The following DACH1 variants were observed in gnomAD, a reference collection of about 807,000 sequenced individuals.
DACH1 encodes the protein dachshund family transcription factor 1.
Under a neutral mutation model 54.2 loss-of-function variants are expected in DACH1, and 12 were observed. The ratio of observed to expected loss-of-function variants is 0.22; its 90% CI spans 0.14 to 0.36. DACH1 has a LOEUF of 0.36. Ranked by LOEUF, DACH1 falls within the 10% of genes least tolerant of loss-of-function variation. The pLI is 1.00. For missense variants in DACH1, 805 were observed against 929.8 expected, an observed-to-expected ratio of 0.87 and a Z score of 1.75; for synonymous variants, 386 against 366.2, an observed-to-expected ratio of 1.05 and a Z score of -0.62.
At chr13:71,701,508 A>G (rs1882135087) in intron 1 of DACH1, among the ~76,000 whole-genome samples, 1 of 152,160 alleles carries the variant, frequency 6.6e-6, no homozygotes, top group Non-Finnish European at 1.5e-5. Context: ...AGTGAAAATC[A>G]TCTAAACATC....
At chr13:71,748,952 C>CTT (rs1566477177) in intron 1 of DACH1, among the ~76,000 whole-genome samples, 4 of 28,228 alleles carry the variant, frequency 1.4e-4, no homozygotes, top group East Asian at 4.0e-4. Flanking sequence ...TTCTTTCTTT[C>CTT]TCTCTTTCTT....
intron 10 of DACH1, among the ~76,000 whole-genome samples, chr13:71,449,187 G>A (rs542859200): frequency 3.3e-5 from 5 of 152,128 alleles, no homozygotes; most frequent in South Asian, 4.2e-4. Flanking sequence ...TTAGCGGGGC[G>A]TGGTGGCACA....
chr13:71,675,167 G>C, intron 2 of DACH1: 2 of 1,582,916 alleles, frequency 1.3e-6, no homozygotes, highest in South Asian at 1.1e-5. Context: ...TCTACTGGAG[G>C]GGTGAAGAAA....
At chr13:71,472,413 G>A (rs1877161819) in intron 10 of DACH1, among the ~76,000 whole-genome samples, 1 of 152,204 alleles carries the variant, frequency 6.6e-6, no homozygotes, top group Non-Finnish European at 1.5e-5. Context: ...GCATATTTAG[G>A]GGTAATTACT....
intron 2 of DACH1, among the ~76,000 whole-genome samples, chr13:71,656,420 G>A (rs758802073): frequency 2.0e-5 from 3 of 151,898 alleles, no homozygotes; most frequent in Non-Finnish European, 4.4e-5. Flanking sequence ...ACTTCTATTT[G>A]TCAGTATATA....
chr13:71,735,094 C>CACGTATATGGGTTATACAT (rs1883960314), intron 1 of DACH1, among the ~76,000 whole-genome samples: 1 of 28,204 alleles, frequency 3.5e-5, no homozygotes, highest in Non-Finnish European at 2.6e-4. Context: ...ATGGGTTATA[C>CACGTATATGGGTTATACAT]ATATATGGGA....
intron 1 of DACH1, among the ~76,000 whole-genome samples, chr13:71,811,455 G>T (rs1255290528): frequency 6.6e-6 from 1 of 151,952 alleles, no homozygotes; most frequent in Non-Finnish European, 1.5e-5. Flanking sequence ...TTTCCATCAC[G>T]ATTTATGAAC....
intron 1 of DACH1, among the ~76,000 whole-genome samples, chr13:71,864,656 T>G (rs1022223021): frequency 1.2e-4 from 19 of 152,268 alleles, no homozygotes; most frequent in African/African-American, 4.6e-4. Context: ...GCCTCTGCGC[T>G]TCCTTGCAGA....
chr13:71,527,373 T>C (rs1882056263), intron 6 of DACH1, among the ~76,000 whole-genome samples: 1 of 152,202 alleles, frequency 6.6e-6, no homozygotes, highest in South Asian at 2.1e-4. Context: ...TTGCCAAATG[T>C]AAGTCATTTC....
At position 71,866,603 on chromosome 13, in the gene DACH1, C is replaced by A. The variant is rs575793323; in HGVS notation, c.167G>T (p.Arg56Leu). ...CGCCGCCGAAGCGATGGGCTCCGGG[C>A]GGAACAGAGTTGGCCCAGAGGACGC... ...PPASSGPTLFRPEPIASAAAA... is the reference protein window; with the variant it reads ...PPASSGPTLFLPEPIASAAAA... The change falls in exon 1 of 11, where the codon CGC becomes CTC. Residue 56 changes from arginine (R) to leucine (L), a missense_variant. By Grantham distance (102) the Arg-to-Leu change is moderately radical. Coordinates refer to ENST00000613252, the MANE Select transcript of DACH1 (RefSeq NM_080759.6). 9 of 1,318,634 alleles carry A rather than the reference C, an allele frequency of 6.8e-6. No individual in the cohort carries two copies. The highest frequency in any genetic ancestry group is 5.6e-5 in the East Asian group (2 of 35,456). The allele number at this position is 1,318,634 out of a possible 1,614,324, so 81.7% of individuals were successfully genotyped here.
In DACH1 at chr13:71,475,772, G is replaced by A. The variant is rs774947362; in HGVS notation, c.1948C>T (p.Arg650Trp). ...LQEALEFETK[R>W]REQAEQTLKQ... ...AGCGTCTGTTCTGCTTGTTCACGCCGTTTCGTCTCAAACTCAAGTGCTTCC... is the reference window on the plus strand; with the variant it reads ...AGCGTCTGTTCTGCTTGTTCACGCCATTTCGTCTCAAACTCAAGTGCTTCC... Residue 650 changes from arginine (R) to tryptophan (W), a missense_variant, in exon 9 of 11, where the codon CGG (arginine) becomes TGG (tryptophan). Transcript: ENST00000613252. 8.7e-6 allele frequency: 14 copies of A among 1,613,336 alleles called. No individual in the cohort carries two copies. The highest frequency in any genetic ancestry group is 1.6e-4 in the Middle Eastern group (1 of 6,082).
intron 1 of DACH1, among the ~76,000 whole-genome samples, chr13:71,793,455 T>C (rs924527705): frequency 2.0e-5 from 3 of 152,238 alleles, no homozygotes; most frequent in South Asian, 4.1e-4. Context: ...TTCCTTGCTA[T>C]AGATTGAAGA....
In DACH1 at chr13:71,765,038, C is replaced by T. The variant is rs147308947; in HGVS notation, c.849-83128G>A. Among the ~76,000 whole-genome samples, 32 of 152,258 alleles carry T rather than the reference C, an allele frequency of 2.1e-4. No individual in the cohort carries two copies. In the East Asian group the frequency reaches 3.5e-3, roughly 17 times the overall value. ...TATACCCAGAAAGTTCCATTCATTC[C>T]AATTTCCAATCTTCAAGTGAGGTAA... On this transcript the variant is annotated intron_variant, in intron 1 of 10. Coordinates refer to ENST00000613252, the MANE Select transcript of DACH1 (RefSeq NM_080759.6).
intron 6 of DACH1, among the ~76,000 whole-genome samples, chr13:71,505,609 T>A (rs1243014013): frequency 2.6e-5 from 4 of 152,224 alleles, no homozygotes; most frequent in Non-Finnish European, 5.9e-5. Flanking sequence ...CCATATTTAG[T>A]AAATCCAATA....
At chr13:71,781,902 T>C (rs533523214) in intron 1 of DACH1, among the ~76,000 whole-genome samples, 4 of 152,182 alleles carry the variant, frequency 2.6e-5, no homozygotes, top group Non-Finnish European at 5.9e-5. Flanking sequence ...CCTTTACATA[T>C]GTTTTTAAAA....
At chr13:71,511,201 G>A (rs1041753763) in intron 6 of DACH1, among the ~76,000 whole-genome samples, 1 of 152,034 alleles carries the variant, frequency 6.6e-6, no homozygotes, top group African/African-American at 2.4e-5. Flanking sequence ...ATGGAAGAAA[G>A]ATGAGCATGG....
At chr13:71,831,998 G>C (rs1888612367) in intron 1 of DACH1, among the ~76,000 whole-genome samples, 3 of 151,882 alleles carry the variant, frequency 2.0e-5, no homozygotes, top group Non-Finnish European at 4.4e-5. Flanking sequence ...GTCACTATCT[G>C]TTTCTTCAAC....
intron 2 of DACH1, 108 bp downstream of exon 2, chr13:71,681,687 A>T (rs753230181): frequency 1.1e-5 from 7 of 648,890 alleles, no homozygotes; most frequent in Non-Finnish European, 1.6e-5. Context: ...TAGTGTGCAC[A>T]AAATATAATT....
intron 6 of DACH1, among the ~76,000 whole-genome samples, chr13:71,503,036 T>C (rs957727288): frequency 6.6e-6 from 1 of 152,212 alleles, no homozygotes; most frequent in Non-Finnish European, 1.5e-5. Context: ...GGGTCCCTTC[T>C]TTCCCATCTT....
Sources: gnomAD v4.1 joint callset for allele counts (sites outside exome capture counted in the v4.1 genomes callset) on GRCh38, gnomAD v4.1.1 for gene constraint, MANE v1.5 for transcripts, NCBI Gene and HGNC (gene_info 2026-07-23, HGNC 2026-07-21) for gene names.